Variants in CSMD1 observed in about 807,000 individuals in gnomAD.
CSMD1 encodes the protein CUB and sushi domain-containing protein 1.
A neutral mutation model predicts 417.5 loss-of-function variants in CSMD1; 213 were observed. That is an observed-to-expected ratio of 0.51 (90% CI 0.46 to 0.57). The LOEUF (loss-of-function observed/expected upper bound fraction) is 0.57, where lower values mean the gene tolerates loss of function less well. CSMD1 is among the 20% of genes least tolerant of loss of function. CSMD1 has a pLI of 0.00. For missense variants in CSMD1, 6,923 were observed against 4,529.7 expected, an observed-to-expected ratio of 1.53 and a Z score of -15.17; for synonymous variants, 2,862 against 1,736.8, an observed-to-expected ratio of 1.65 and a Z score of -16.11.
chr8:3,741,309 T>C (rs1236402791), intron 6 of CSMD1, among the ~76,000 whole-genome samples: 6 of 147,000 alleles, frequency 4.1e-5, no homozygotes, highest in Non-Finnish European at 8.9e-5. Flanking sequence ...AGAGACTAAA[T>C]GTTTAAAGAG....
At chr8:4,447,061 C>G (rs1235013) in intron 2 of CSMD1, among the ~76,000 whole-genome samples, 70,625 of 151,940 alleles carry the variant, frequency 0.46, 17,502 homozygotes, top group African/African-American at 0.65. Context: ...GTCAGGTCTG[C>G]GAGCCTAGCC....
intron 3 of CSMD1, among the ~76,000 whole-genome samples, chr8:4,288,099 T>C (rs921189624): frequency 1.3e-5 from 2 of 152,186 alleles, no homozygotes; most frequent in African/African-American, 4.8e-5. Context: ...TTAGTTTTAC[T>C]TATTTTGCTA....
rs891747212 is a variant in CSMD1 at position 3,932,405 on chromosome 8, C to G, written c.818+65498G>C. Among the ~76,000 whole-genome samples, 36 of 150,540 alleles carry G rather than the reference C, an allele frequency of 2.4e-4. 2 individuals are homozygous for G. Among genetic ancestry groups the G allele is most frequent in the Middle Eastern group, 3.4e-3 (1 of 294 alleles). On this transcript the variant is annotated intron_variant, in intron 5 of 69. Coordinates refer to ENST00000635120, the MANE Select transcript of CSMD1 (RefSeq NM_033225.6). ...TTGCTATGCCTGCAACATATGCCAT[C>G]TGCATTGACATTTCTCATGGTATTT...
chr8:4,416,260 G>A (rs928115118), intron 3 of CSMD1, among the ~76,000 whole-genome samples: 3 of 152,106 alleles, frequency 2.0e-5, no homozygotes, highest in Middle Eastern at 3.4e-3. Flanking sequence ...TCTATTTTCC[G>A]AAAGCTACTG....
At chr8:3,793,739 G>A (rs1010834876) in intron 5 of CSMD1, among the ~76,000 whole-genome samples, 32 of 152,080 alleles carry the variant, frequency 2.1e-4, no homozygotes, top group Admixed American at 1.8e-3. Context: ...TTTTATTTTC[G>A]TAGGATCTCT....
At chr8:3,600,646 G>A (rs755360326) in intron 8 of CSMD1, among the ~76,000 whole-genome samples, 1 of 152,146 alleles carries the variant, frequency 6.6e-6, no homozygotes, top group Non-Finnish European at 1.5e-5. Context: ...GGTGACCCCA[G>A]ATGATAAGAG....
At chr8:3,889,658 C>G (rs961468673) in intron 5 of CSMD1, among the ~76,000 whole-genome samples, 1 of 151,072 alleles carries the variant, frequency 6.6e-6, no homozygotes, top group African/African-American at 2.4e-5. Flanking sequence ...GAAGTTGGTC[C>G]TATCTACTGT....
chr8:3,987,236 C>G (rs775141959), intron 5 of CSMD1, among the ~76,000 whole-genome samples: 5 of 152,232 alleles, frequency 3.3e-5, no homozygotes, highest in Admixed American at 6.5e-5. Context: ...TTCCTGTGAA[C>G]ATGCTTCCCA....
intron 8 of CSMD1, among the ~76,000 whole-genome samples, chr8:3,599,476 T>C (rs79228628): frequency 0.011 from 1,657 of 152,156 alleles, 36 homozygotes; most frequent in African/African-American, 0.038. Flanking sequence ...CAACGCAGCA[T>C]TAGTAACCCC....
At chr8:3,107,374 C>T (rs567133178) in intron 45 of CSMD1, among the ~76,000 whole-genome samples, 5 of 152,038 alleles carry the variant, frequency 3.3e-5, no homozygotes, top group Admixed American at 1.3e-4. Context: ...GAATGTGTCC[C>T]CCTAACTGAA....
At chr8:4,610,266 G>A (rs2617104) in intron 2 of CSMD1, among the ~76,000 whole-genome samples, 68 of 152,098 alleles carry the variant, frequency 4.5e-4, no homozygotes, top group African/African-American at 1.5e-3. Context: ...TGGGAAGTTC[G>A]TGAAACTGAC....
intron 3 of CSMD1, among the ~76,000 whole-genome samples, chr8:4,257,402 G>A (rs1370691324): frequency 2.7e-5 from 4 of 150,778 alleles, no homozygotes; most frequent in East Asian, 1.9e-4. Context: ...TTCATCTCAT[G>A]TATAATCATG....
chr8:3,278,095 A>G (rs1306020074), intron 26 of CSMD1, among the ~76,000 whole-genome samples: 3 of 152,144 alleles, frequency 2.0e-5, no homozygotes, highest in Non-Finnish European at 2.9e-5. Context: ...GGGAAAAAAT[A>G]TATGAATCAG....
At chr8:3,259,917 A>G (rs139873641) in intron 26 of CSMD1, among the ~76,000 whole-genome samples, 2 of 152,190 alleles carry the variant, frequency 1.3e-5, no homozygotes, top group Non-Finnish European at 2.9e-5. Context: ...GACCACTCAT[A>G]CATGCGTTGT....
chr8:3,541,773 T>C (rs1028044874), intron 10 of CSMD1, among the ~76,000 whole-genome samples: 3 of 150,568 alleles, frequency 2.0e-5, no homozygotes, highest in African/African-American at 7.3e-5. Context: ...TAATATCAAC[T>C]ACAGCTGTTC....
At chr8:4,224,897 G>A (rs1241428859) in intron 3 of CSMD1, among the ~76,000 whole-genome samples, 1 of 36,668 alleles carries the variant, frequency 2.7e-5, no homozygotes, top group Non-Finnish European at 5.8e-5. Context: ...ATCATTTGAG[G>A]TCAGGAGTCC....
At chr8:4,615,443 T>C (rs1330457917) in intron 2 of CSMD1, among the ~76,000 whole-genome samples, 2 of 152,204 alleles carry the variant, frequency 1.3e-5, no homozygotes, top group East Asian at 3.8e-4. Flanking sequence ...TATTTAGAAA[T>C]GCAGACCAAT....
At chr8:3,257,518 G>C (rs944414222) in intron 26 of CSMD1, among the ~76,000 whole-genome samples, 9 of 152,190 alleles carry the variant, frequency 5.9e-5, no homozygotes, top group Non-Finnish European at 1.2e-4. Context: ...GGATAAAGAA[G>C]ACAGGAGTGT....
intron 3 of CSMD1, among the ~76,000 whole-genome samples, chr8:4,320,975 G>C (rs942218400): frequency 4.6e-5 from 7 of 152,060 alleles, no homozygotes; most frequent in Non-Finnish European, 1.0e-4. Context: ...TCCAGTTTCA[G>C]CATTGCCTCC....
Sources: allele counts gnomAD v4.1 joint callset (sites outside exome capture counted in the v4.1 genomes callset), GRCh38; gene constraint gnomAD v4.1.1; transcripts MANE v1.5; gene names NCBI Gene and HGNC (gene_info 2026-07-23, HGNC 2026-07-21).